C22orf31: variants seen among roughly 807,000 people sequenced by gnomAD.
C22orf31 encodes chromosome 22 open reading frame 31.
In C22orf31, 11 loss-of-function variants were observed where a neutral mutation model predicts 15.0. The observed-to-expected ratio is 0.73, with a 90% confidence interval of 0.46 to 1.21. The LOEUF (loss-of-function observed/expected upper bound fraction) is 1.21, where lower values mean the gene tolerates loss of function less well. Ranked by LOEUF, C22orf31 falls within the 50% of genes most tolerant of loss-of-function variation. The pLI is 0.00. For missense variants in C22orf31, 340 were observed against 347.2 expected, an observed-to-expected ratio of 0.98 and a Z score of 0.17; for synonymous variants, 132 against 133.3, an observed-to-expected ratio of 0.99 and a Z score of 0.07.
the C22orf31 span, among the ~76,000 whole-genome samples, chr22:29,072,604 G>A: frequency 3.9e-5 from 6 of 152,230 alleles, no homozygotes; most frequent in African/African-American, 1.2e-4. Context: ...CCATTACGAT[G>A]AGCTAAGCAA....
intron 2 of C22orf31, chr22:29,059,780 GTGCACAAGCA>G: frequency 1.0e-6 from 1 of 985,300 alleles, no homozygotes; most frequent in Non-Finnish European, 1.2e-6. Context: ...GTGTGTGTGT[GTGCACAAGCA>G]TGCACTACCC....
chr22:29,059,219 C>G (rs760048821), intron 2 of C22orf31, 37 bp from the exon 3 acceptor site: 1 of 1,445,422 alleles, frequency 6.9e-7, no homozygotes, highest in Non-Finnish European at 9.4e-7. Context: ...AAAGCTAAAA[C>G]TTGAGAGGGG....
At position 29,060,038 on chromosome 22, in the gene C22orf31, T is replaced by A. The variant is rs554826393; in HGVS notation, c.432+377A>T. 1,745 of 888,282 alleles carry A rather than the reference T, an allele frequency of 2.0e-3. 4 individuals are homozygous for A. Among genetic ancestry groups the A allele is most frequent in the South Asian group, 3.4e-3 (66 of 19,220 alleles). The allele number at this position is 888,282 out of a possible 1,614,324, so 55.0% of individuals were successfully genotyped here. A position where few individuals can be genotyped will look rare whatever the true frequency, so the allele number is the denominator to read the frequency against. On this transcript the variant is annotated intron_variant, in intron 2 of 2. Transcript: ENST00000216071. ...TTTCTTTTCTTTTTTTTTTTTTTTTTTTTTTATTTTTTAGACAGGGTCTTG... is the reference window on the plus strand; with the variant it reads ...TTTCTTTTCTTTTTTTTTTTTTTTTATTTTTATTTTTTAGACAGGGTCTTG...
the C22orf31 span, among the ~76,000 whole-genome samples, chr22:29,069,064 G>A: frequency 6.6e-6 from 1 of 152,102 alleles, no homozygotes; most frequent in African/African-American, 2.4e-5. Context: ...CCCTGGCCCA[G>A]CCTGGTACTT....
chr22:29,073,244 C>T, the C22orf31 span: 2 of 1,091,570 alleles, frequency 1.8e-6, no homozygotes, highest in East Asian at 3.8e-5. The surrounding 1 kb of genome is among the most constrained non-coding windows in gnomAD (Gnocchi z 4.4). Context: ...GTGAGCGACC[C>T]CCCGCCGCCC....
the C22orf31 span, among the ~76,000 whole-genome samples, chr22:29,071,268 G>A: frequency 6.6e-6 from 1 of 152,224 alleles, no homozygotes; most frequent in African/African-American, 2.4e-5. Context: ...AATGACACAT[G>A]AAAACAATAA....
chr22:29,060,009 T>C, intron 2 of C22orf31: 1 of 949,516 alleles, frequency 1.1e-6, no homozygotes, highest in Non-Finnish European at 1.2e-6. Context: ...GGTATAGATC[T>C]TTTTTTCTTT....
chr22:29,059,231 G>A (rs973466110), intron 2 of C22orf31, 49 bp from the exon 3 acceptor site: 4 of 1,348,172 alleles, frequency 3.0e-6, no homozygotes, highest in Non-Finnish European at 3.1e-6. Context: ...TGAGAGGGGA[G>A]CTCAGAATAA....
At chr22:29,073,447 C>T in the C22orf31 span, among the ~76,000 whole-genome samples, 18 of 152,186 alleles carry the variant, frequency 1.2e-4, no homozygotes, top group East Asian at 2.3e-3. The surrounding 1 kb of genome is among the most constrained non-coding windows in gnomAD (Gnocchi z 4.4). Context: ...TACTGTCCCC[C>T]GGCTGCAGGA....
chr22:29,064,505 G>A (rs115122383), upstream of C22orf31, among the ~76,000 whole-genome samples: 262 of 151,810 alleles, frequency 1.7e-3, 1 homozygote, highest in African/African-American at 6.0e-3. Flanking sequence ...ATGAATATTT[G>A]CTTTTTTGTG....
At chr22:29,069,215 G>A in the C22orf31 span, among the ~76,000 whole-genome samples, 1 of 152,156 alleles carries the variant, frequency 6.6e-6, no homozygotes, top group Non-Finnish European at 1.5e-5. Flanking sequence ...TAAGGCTACT[G>A]GGCGGATTTT....
At chr22:29,069,489 C>G in the C22orf31 span, among the ~76,000 whole-genome samples, 1 of 152,156 alleles carries the variant, frequency 6.6e-6, no homozygotes, top group Admixed American at 6.5e-5. Flanking sequence ...AACAGACAAA[C>G]GGACACCAAC....
At chr22:29,059,540 G>T in intron 2 of C22orf31, 1 of 242,526 alleles carries the variant, frequency 4.1e-6, no homozygotes, top group Non-Finnish European at 6.6e-6. Flanking sequence ...CATTCATGAA[G>T]CCCTATGAGG....
At chr22:29,066,078 T>G (rs966016477), upstream of C22orf31, among the ~76,000 whole-genome samples, 2 of 152,150 alleles carry the variant, frequency 1.3e-5, no homozygotes, top group Non-Finnish European at 2.9e-5. Flanking sequence ...TTTCCTTTAC[T>G]ACGACCTTTC....
Position 29,059,180 on chromosome 22 carries a change from A to G in C22orf31, c.435T>C (p.Ser145=). Residue 145 remains serine (S), a splice_region_variant and synonymous_variant, in exon 3 of 3, where the codon AGT becomes AGC. Transcript: ENST00000216071. ...GTTTTTTCTCCTTTGAACTTTCTTT[A>G]CTCTAGCCAGGAAGAAAGCAGAGAA... ...HRRPAGGIRE[S]KESSKEKKLT... The G allele has an allele frequency of 6.3e-7, 1 of 1,593,738 alleles. No individual in the cohort carries two copies. Among genetic ancestry groups the G allele is most frequent in the Non-Finnish European group, 8.5e-7 (1 of 1,170,806 alleles).
At chr22:29,060,930 A>T in intron 1 of C22orf31, 87 bp from the exon 2 acceptor site, 1 of 1,108,074 alleles carries the variant, frequency 9.0e-7, no homozygotes, top group Non-Finnish European at 1.3e-6. Context: ...CAAAATATTA[A>T]CATCTTTTTA....
chr22:29,063,183 TG>T (rs1481959708), upstream of C22orf31, among the ~76,000 whole-genome samples: 3 of 152,144 alleles, frequency 2.0e-5, no homozygotes, highest in African/African-American at 7.2e-5. Flanking sequence ...TGACTCTGCT[TG>T]GTCTTTTACT....
the C22orf31 span, among the ~76,000 whole-genome samples, chr22:29,068,082 G>GTT: frequency 1.3e-5 from 1 of 79,090 alleles, no homozygotes; most frequent in Non-Finnish European, 2.5e-5. Flanking sequence ...ATCAAACCCC[G>GTT]TCTTTTTTTT....
chr22:29,060,946 C>A, intron 1 of C22orf31, 103 bp from the exon 2 acceptor site: 1 of 946,504 alleles, frequency 1.1e-6, no homozygotes, highest in Non-Finnish European at 1.6e-6. Context: ...TTTTATAGGC[C>A]ATTCCTTCCA....
Sources: allele counts gnomAD v4.1 joint callset (sites outside exome capture counted in the v4.1 genomes callset), GRCh38; gene constraint gnomAD v4.1.1; non-coding constraint Gnocchi (gnomAD v3.1); transcripts MANE v1.5; gene names NCBI Gene and HGNC (gene_info 2026-07-23, HGNC 2026-07-21).